MYOM1: variants seen among roughly 807,000 people sequenced by gnomAD.
The protein encoded by MYOM1 is myomesin-1.
MYOM1 carries 164 observed loss-of-function variants against 205.3 expected under a neutral mutation model. That is an observed-to-expected ratio of 0.80 (90% CI 0.70 to 0.91). The LOEUF is 0.91. MYOM1 is among the 40% of genes least tolerant of loss of function. The pLI is 0.00. For missense variants in MYOM1, 2,011 were observed against 2,127.3 expected (o/e 0.95, Z 1.08); for synonymous variants, 772 against 789.4 (o/e 0.98, Z 0.37).
chr18:3,240,463 G>A, the MYOM1 span, among the ~76,000 whole-genome samples: 1 of 152,170 alleles, frequency 6.6e-6, no homozygotes, highest in African/African-American at 2.4e-5. Flanking sequence ...GAGTTTCCCT[G>A]CACAAGTTTT....
At chr18:3,085,894 A>G in intron 30 of MYOM1, 144 bp downstream of exon 30, 3 of 554,388 alleles carry the variant, frequency 5.4e-6, no homozygotes, top group Non-Finnish European at 9.5e-6. Flanking sequence ...AAGGTTAGAG[A>G]AGCTTTTGTG....
At position 3,119,033 on chromosome 18, in the gene MYOM1, C is replaced by T. The variant is rs2079647768; in HGVS notation, c.3118+836G>A. 2.0e-5 allele frequency among the ~76,000 whole-genome samples: 3 copies of T among 152,098 alleles called. No individual in the cohort carries two copies. The South Asian group carries it at 6.2e-4, about 32-fold the overall frequency. On this transcript the variant is annotated intron_variant, in intron 20 of 37. Coordinates refer to ENST00000356443, the MANE Select transcript of MYOM1 (RefSeq NM_003803.4). ...TTACTATTGCTAGTTTAAATCTTAACGGCTTAGTAAATTTGCATTCAATTT... is the reference window on the plus strand; with the variant it reads ...TTACTATTGCTAGTTTAAATCTTAATGGCTTAGTAAATTTGCATTCAATTT...
the MYOM1 span, among the ~76,000 whole-genome samples, chr18:3,238,629 G>GT: frequency 6.6e-6 from 1 of 152,174 alleles, no homozygotes; most frequent in East Asian, 1.9e-4. Context: ...TATTGCTGCT[G>GT]TAACAAATTA....
intron 25 of MYOM1, among the ~76,000 whole-genome samples, chr18:3,096,862 T>C (rs2079312497): frequency 6.6e-6 from 1 of 152,198 alleles, no homozygotes; most frequent in Admixed American, 6.5e-5. Flanking sequence ...TAAGCTATCT[T>C]TCCACACTGC....
At chr18:3,130,580 T>G (rs138229176) in intron 17 of MYOM1, among the ~76,000 whole-genome samples, 2 of 152,236 alleles carry the variant, frequency 1.3e-5, no homozygotes, top group East Asian at 3.9e-4. Flanking sequence ...GCCTTCTGAA[T>G]AGCTGGGACT....
chr18:3,189,210 T>C lies in MYOM1; in HGVS notation c.432-123A>G. On this transcript the variant is annotated intron_variant, in intron 3 of 37. Transcript: ENST00000356443. This position sits in a 1 kb window ranked among gnomAD's most constrained non-coding sequence, Gnocchi z 4.8. The stretch of plus-strand genomic sequence containing the variant: ...TCCTGCACCAAAAGAAAATCCGACA[T>C]AGAAAAAGCAGGTGAATCAGAAGCT... The C allele has an allele frequency of 1.1e-6, 1 of 908,092 alleles. No homozygotes were observed. Among genetic ancestry groups the C allele is most frequent in the Non-Finnish European group, 1.6e-6 (1 of 616,728 alleles). 56.3% of individuals were successfully genotyped at this position (908,092 alleles called of 1,614,324 possible). A position where few individuals can be genotyped will look rare whatever the true frequency, so the allele number is the denominator to read the frequency against.
intron 2 of MYOM1, among the ~76,000 whole-genome samples, chr18:3,212,951 C>T (rs887341721): frequency 2.6e-5 from 4 of 152,186 alleles, no homozygotes; most frequent in African/African-American, 9.7e-5. Context: ...AGAATATGAC[C>T]TATGAAATTG....
chr18:3,069,739 A>G (rs180979273), intron 37 of MYOM1, among the ~76,000 whole-genome samples: 6 of 152,308 alleles, frequency 3.9e-5, no homozygotes, highest in Admixed American at 2.0e-4. Context: ...AGAAAAAACA[A>G]AACTCCCAAA....
rs763462534 is a variant in MYOM1 at position 3,174,169 on chromosome 18, C to T, written c.1062G>A (p.Ala354=). Residue 354 remains alanine (A), a synonymous_variant, in exon 7 of 38, where the codon GCG becomes GCA. Transcript: ENST00000356443. ...CCGAAAGCTCTCCTTTAACATTCAT[C>T]GCCGAGGCCCGGTACTGAGCTGTAT... ...FEDTAQYRAS[A]MNVKGELSAY... 5.8e-5 allele frequency: 94 copies of T among 1,613,882 alleles called. No homozygotes were observed. The highest frequency in any genetic ancestry group is 7.5e-5 in the Non-Finnish European group (88 of 1,179,896).
intron 2 of MYOM1, among the ~76,000 whole-genome samples, chr18:3,204,181 A>T (rs2081103435): frequency 6.6e-6 from 1 of 152,018 alleles, no homozygotes; most frequent in Admixed American, 6.5e-5. Flanking sequence ...CTTTCCTCTT[A>T]AGACTGAAAC....
intron 8 of MYOM1, among the ~76,000 whole-genome samples, chr18:3,170,230 T>A (rs2080537155): frequency 6.6e-6 from 1 of 152,282 alleles, no homozygotes; most frequent in South Asian, 2.1e-4. Context: ...TAGTCTACAG[T>A]TAATAATTTA....
At chr18:3,092,491 C>T (rs1433796331) in intron 26 of MYOM1, among the ~76,000 whole-genome samples, 1 of 152,164 alleles carries the variant, frequency 6.6e-6, no homozygotes, top group East Asian at 1.9e-4. Context: ...CCATGACTGG[C>T]CCTATTTGCT....
At chr18:3,169,929 C>T (rs977207875) in intron 8 of MYOM1, among the ~76,000 whole-genome samples, 2 of 151,940 alleles carry the variant, frequency 1.3e-5, no homozygotes, top group East Asian at 1.9e-4. Flanking sequence ...ATAAAGAAAA[C>T]GTGGTACATA....
chr18:3,232,009 T>A, the MYOM1 span, among the ~76,000 whole-genome samples: 1 of 152,036 alleles, frequency 6.6e-6, no homozygotes, highest in Non-Finnish European at 1.5e-5. Context: ...ATTTCCTTGC[T>A]TTTTTTAATT....
At chr18:3,239,567 G>A in the MYOM1 span, among the ~76,000 whole-genome samples, 1 of 152,060 alleles carries the variant, frequency 6.6e-6, no homozygotes, top group South Asian at 2.1e-4. Context: ...CCAAGCCTGA[G>A]CAACGTGGAG....
Position 3,128,956 on chromosome 18 carries a change from T to C in MYOM1, c.2794+276A>G, listed in dbSNP as rs538031980. On this transcript the variant is annotated intron_variant, in intron 18 of 37. Coordinates refer to ENST00000356443, the MANE Select transcript of MYOM1 (RefSeq NM_003803.4). ...TTAGCAAAATCAGGCCAGAGGTGTA[T>C]CTGCCTGACAAACCAAGAAAGGCTC... Among the ~76,000 whole-genome samples, 11 of 152,316 alleles carry C rather than the reference T, an allele frequency of 7.2e-5. 1 individual carries two copies. The South Asian group carries it at 2.3e-3, about 32-fold the overall frequency.
At chr18:3,094,812 C>G (rs2079279056) in intron 25 of MYOM1, among the ~76,000 whole-genome samples, 1 of 151,912 alleles carries the variant, frequency 6.6e-6, no homozygotes, top group African/African-American at 2.4e-5. Context: ...CAGTCACGCA[C>G]CACCACATTC....
chr18:3,092,755 A>T (rs2079243076), intron 26 of MYOM1, among the ~76,000 whole-genome samples: 1 of 152,150 alleles, frequency 6.6e-6, no homozygotes, highest in Non-Finnish European at 1.5e-5. Context: ...TCCAACTGAG[A>T]CCACATTTTT....
chr18:3,149,057 A>T, intron 13 of MYOM1, 88 bp downstream of exon 13: 1 of 1,001,678 alleles, frequency 1.0e-6, no homozygotes, highest in Non-Finnish European at 1.6e-6. Context: ...AAAACATCTT[A>T]AGCAATACAC....
Sources: allele counts gnomAD v4.1 joint callset (sites outside exome capture counted in the v4.1 genomes callset), GRCh38; gene constraint gnomAD v4.1.1; non-coding constraint Gnocchi (gnomAD v3.1); transcripts MANE v1.5; gene names NCBI Gene and HGNC (gene_info 2026-07-23, HGNC 2026-07-21).